The following ZNF592 variants were observed in gnomAD, a reference collection of about 807,000 sequenced individuals.
ZNF592 encodes spinocerebellar ataxia, autosomal recessive 5.
Under a neutral mutation model 80.3 loss-of-function variants are expected in ZNF592, and 11 were observed. The observed-to-expected ratio is 0.14, with a 90% confidence interval of 0.09 to 0.23. The LOEUF (loss-of-function observed/expected upper bound fraction) is 0.23. Ranked by LOEUF, ZNF592 falls within the 10% of genes least tolerant of loss-of-function variation. ZNF592 has a pLI of 1.00. For synonymous variants in ZNF592, 646 were observed against 640.3 expected, an observed-to-expected ratio of 1.01 and a Z score of -0.13; for missense variants, 1,420 against 1,633.9, an observed-to-expected ratio of 0.87 and a Z score of 2.26.
rs144113247 is a variant in ZNF592 at position 84,803,442 on chromosome 15, T to C, written c.*1049T>C. ...TCTAAGGAAGGCCTTCTCTAGATTC[T>C]GGAGCTTGTGGTTAGGAAACCGGGA... On this transcript the variant is annotated 3_prime_UTR_variant, in exon 11 of 11. Coordinates refer to ENST00000560079, the MANE Select transcript of ZNF592 (RefSeq NM_014630.3). 1 of 152,728 alleles carries C rather than the reference T, an allele frequency of 6.5e-6. No individual in the cohort carries two copies. The highest frequency in any genetic ancestry group is 1.9e-4 in the East Asian group (1 of 5,186). The allele number at this position is 152,728 out of a possible 1,614,324, so 9.5% of individuals were successfully genotyped here.
chr15:84,799,064 C>G lies in ZNF592; in HGVS notation c.3025-34C>G, dbSNP rs762585834. ...ATGCACCCAGAACTATCTTACAGTT[C>G]TGATGCTTTGTGTGTTGCCACCTCC... On this transcript the variant is annotated intron_variant, in intron 8 of 10. Transcript: ENST00000560079. This position sits in a 1 kb window ranked among gnomAD's most constrained non-coding sequence, Gnocchi z 4.2. 8 of 1,611,772 alleles carry G rather than the reference C, an allele frequency of 5.0e-6. No homozygotes were observed. The Admixed American group carries it at 8.3e-5, about 17-fold the overall frequency.
intron 1 of ZNF592, among the ~76,000 whole-genome samples, chr15:84,757,620 T>G (rs996527343): frequency 4.1e-5 from 6 of 147,912 alleles, no homozygotes; most frequent in Non-Finnish European, 9.0e-5. Context: ...TCCCAAAATG[T>G]GGGATTACAG....
At chr15:84,772,776 C>T (rs927784237) in intron 2 of ZNF592, among the ~76,000 whole-genome samples, 1 of 152,068 alleles carries the variant, frequency 6.6e-6, no homozygotes, top group Non-Finnish European at 1.5e-5. Flanking sequence ...TTCCTTAAAT[C>T]ATGCTGCCTT....
chr15:84,768,230 C>CTTTTTTTTTT (rs995969490), intron 2 of ZNF592, among the ~76,000 whole-genome samples: 4 of 122,338 alleles, frequency 3.3e-5, no homozygotes, highest in Non-Finnish European at 5.0e-5. Context: ...TTCTTTCTTT[C>CTTTTTTTTTT]TTTTTTTTTT....
chr15:84,753,125 T>C lies in ZNF592; in HGVS notation c.-259+4461T>C, dbSNP rs1477718740. 4 of 152,348 alleles carry C rather than the reference T, an allele frequency of 2.6e-5. No homozygotes were observed. The South Asian group carries it at 6.2e-4, about 24-fold the overall frequency. 9.4% of individuals were successfully genotyped at this position (152,348 alleles called of 1,614,324 possible). On this transcript the variant is annotated intron_variant, in intron 1 of 10. Coordinates refer to ENST00000560079, the MANE Select transcript of ZNF592 (RefSeq NM_014630.3). Reference sequence around the variant, plus strand: ...AATTGATAGAATGAATAATTCTGTATTGTTTATGTGGGATCCTGTATTTGT... The same window carrying C: ...AATTGATAGAATGAATAATTCTGTACTGTTTATGTGGGATCCTGTATTTGT...
chr15:84,758,129 C>T (rs970506381), intron 1 of ZNF592, among the ~76,000 whole-genome samples: 1 of 151,830 alleles, frequency 6.6e-6, no homozygotes, highest in Non-Finnish European at 1.5e-5. Context: ...CCTGCCACCA[C>T]ACCCGGCTAA....
chr15:84,798,087 A>T lies in ZNF592; in HGVS notation c.2576+42A>T, dbSNP rs1424552888. The T allele has an allele frequency of 6.2e-7, 1 of 1,609,488 alleles. No individual in the cohort carries two copies. The highest frequency in any genetic ancestry group is 8.5e-7 in the Non-Finnish European group (1 of 1,178,750). ...GGCCAGCAGGCCCTGTGGAGCAGAG[A>T]GGAGTAGCCTGGGTGCTGTAGGGGG... On this transcript the variant is annotated intron_variant, in intron 6 of 10. Coordinates refer to ENST00000560079, the MANE Select transcript of ZNF592 (RefSeq NM_014630.3). The surrounding 1 kb of genome is among the most constrained non-coding windows in gnomAD (Gnocchi z 4.5).
At chr15:84,781,695 G>A (rs1454005873) in intron 3 of ZNF592, among the ~76,000 whole-genome samples, 1 of 152,152 alleles carries the variant, frequency 6.6e-6, no homozygotes, top group African/African-American at 2.4e-5. Flanking sequence ...AGCAGATGCA[G>A]GACTTAAAGG....
rs1211706156 is a variant in ZNF592, at chr15:84,748,624, C to A, written c.-299C>A. ...CCGCAGCCGGCGCTGGGGACGCGCGCGGCCGAGACTCTGGCCTGCAGTCGC... is the reference window on the plus strand; with the variant it reads ...CCGCAGCCGGCGCTGGGGACGCGCGAGGCCGAGACTCTGGCCTGCAGTCGC... On this transcript the variant is annotated 5_prime_UTR_variant, in exon 1 of 11. Coordinates refer to ENST00000560079, the MANE Select transcript of ZNF592 (RefSeq NM_014630.3). The A allele has an allele frequency of 1.1e-4, 16 of 147,820 alleles. No individual in the cohort carries two copies. Among genetic ancestry groups the A allele is most frequent in the South Asian group, 9.0e-4 (5 of 5,534 alleles). The allele number at this position is 147,820 out of a possible 1,614,324, so 9.2% of individuals were successfully genotyped here.
At chr15:84,795,098 T>G (rs1198466474) in intron 5 of ZNF592, among the ~76,000 whole-genome samples, 1 of 150,402 alleles carries the variant, frequency 6.6e-6, no homozygotes, top group African/African-American at 2.4e-5. Context: ...TATATAAAAT[T>G]TATATGTATT....
At position 84,784,594 on chromosome 15, in the gene ZNF592, A is replaced by T. The variant is rs1424814106; in HGVS notation, c.1919A>T (p.Lys640Met). Residue 640 changes from lysine to methionine, a missense_variant, in exon 4 of 11, where the codon AAG becomes ATG. By Grantham distance (95) the Lys-to-Met change is moderately conservative. Coordinates refer to ENST00000560079, the MANE Select transcript of ZNF592 (RefSeq NM_014630.3). This position sits in a 1 kb window ranked among gnomAD's most constrained non-coding sequence, Gnocchi z 5.8. ...CTGCTCCGGCACGCCCGTGACCACA[A>T]GAGCAAGGGGCTCGTCATGCAGTGT... is the stretch of plus-strand genomic sequence containing the variant. ...CSLLRHARDH[K>M]SKGLVMQCSQ... is the part of the protein sequence containing the mutation. 12 of 1,614,216 alleles carry T rather than the reference A, an allele frequency of 7.4e-6. No homozygotes were observed. The highest frequency in any genetic ancestry group is 7.6e-6 in the Non-Finnish European group (9 of 1,180,034).
intron 1 of ZNF592, among the ~76,000 whole-genome samples, chr15:84,752,618 A>G (rs1899045427): frequency 6.6e-6 from 1 of 152,214 alleles, no homozygotes; most frequent in Admixed American, 6.6e-5. Context: ...AAGGCAGGTC[A>G]AGGAGTTTGG....
Position 84,798,080 on chromosome 15 carries a change from A to G in ZNF592, c.2576+35A>G. The G allele has an allele frequency of 6.2e-7, 1 of 1,610,754 alleles. No individual in the cohort carries two copies. On this transcript the variant is annotated intron_variant, in intron 6 of 10. Transcript: ENST00000560079. This position sits in a 1 kb window ranked among gnomAD's most constrained non-coding sequence, Gnocchi z 4.5. ...GCTCCAGGGCCAGCAGGCCCTGTGG[A>G]GCAGAGAGGAGTAGCCTGGGTGCTG... is the stretch of plus-strand genomic sequence containing the variant.
intron 1 of ZNF592, among the ~76,000 whole-genome samples, chr15:84,761,132 T>G (rs1007436246): frequency 2.0e-5 from 3 of 151,932 alleles, no homozygotes; most frequent in Non-Finnish European, 4.4e-5. Context: ...CCTGGCTAAT[T>G]TTTTTGTATT....
chr15:84,758,729 T>C (rs539127772), intron 1 of ZNF592, among the ~76,000 whole-genome samples: 1 of 122,876 alleles, frequency 8.1e-6, no homozygotes, highest in South Asian at 2.5e-4. Flanking sequence ...CTAGGTAACA[T>C]AGCAAAACCC....
chr15:84,779,105 A>G (rs1962349334), intron 3 of ZNF592, among the ~76,000 whole-genome samples: 1 of 152,268 alleles, frequency 6.6e-6, no homozygotes, highest in Non-Finnish European at 1.5e-5. Context: ...TCCAAAGCCG[A>G]AAGAGGAGGT....
At chr15:84,777,808 C>T (rs756796712) in intron 2 of ZNF592, among the ~76,000 whole-genome samples, 28 of 151,074 alleles carry the variant, frequency 1.9e-4, no homozygotes, top group Non-Finnish European at 3.1e-4. Flanking sequence ...TACGCCATTC[C>T]CCTGCTTCAG....
At chr15:84,758,528 C>T (rs1899249563) in intron 1 of ZNF592, among the ~76,000 whole-genome samples, 1 of 152,062 alleles carries the variant, frequency 6.6e-6, no homozygotes, top group Non-Finnish European at 1.5e-5. Flanking sequence ...AGGCAATCGG[C>T]CCCTCTTGGC....
chr15:84,776,684 A>T (rs907154475), intron 2 of ZNF592, among the ~76,000 whole-genome samples: 3 of 152,224 alleles, frequency 2.0e-5, no homozygotes, highest in African/African-American at 7.2e-5. Context: ...TTAACCCGGG[A>T]GGTGGAGGTT....
Sources: gnomAD v4.1 joint callset for allele counts (sites outside exome capture counted in the v4.1 genomes callset) on GRCh38, gnomAD v4.1.1 for gene constraint, Gnocchi (gnomAD v3.1) non-coding constraint, MANE v1.5 for transcripts, NCBI Gene and HGNC (gene_info 2026-07-23, HGNC 2026-07-21) for gene names.